The following MRE11 variants were observed in gnomAD, a reference collection of about 807,000 sequenced individuals.
MRE11 encodes MRE11 double strand break repair nuclease, also known as double-strand break repair protein MRE11.
MRE11 carries 62 observed loss-of-function variants against 91.7 expected under a neutral mutation model. The ratio of observed to expected loss-of-function variants is 0.68; its 90% CI spans 0.55 to 0.84. The LOEUF (loss-of-function observed/expected upper bound fraction) is 0.84, where lower values mean the gene tolerates loss of function less well. Ranked by LOEUF, MRE11 falls within the 40% of genes least tolerant of loss-of-function variation. MRE11 has a pLI of 0.00. For synonymous variants in MRE11, 273 were observed against 271.4 expected (o/e 1.01, Z -0.06); for missense variants, 796 against 852.9 (o/e 0.93, Z 0.83).
intron 13 of MRE11, among the ~76,000 whole-genome samples, chr11:94,459,199 A>C (rs1946348140): frequency 6.6e-6 from 1 of 152,200 alleles, no homozygotes; most frequent in African/African-American, 2.4e-5. Context: ...GGGGAACAAA[A>C]CACTTTAGTA....
chr11:94,449,987 G>GT (rs1946055787), intron 14 of MRE11, among the ~76,000 whole-genome samples: 1 of 152,080 alleles, frequency 6.6e-6, no homozygotes, highest in Non-Finnish European at 1.5e-5. Context: ...TTTTGCTTTG[G>GT]TAATGTGGTG....
Position 94,471,647 on chromosome 11 carries a change from GT to G in MRE11, c.771del (p.Glu257AspfsTer24). On this transcript the variant is annotated frameshift_variant, in exon 8 of 20. Coordinates refer to ENST00000323929, the MANE Select transcript of MRE11 (RefSeq NM_005591.4). LOFTEE classifies it high-confidence loss of function. ...HECKIAPTKN[E>X]QQLFYISQPG... is the part of the protein sequence containing the mutation. The stretch of plus-strand genomic sequence containing the variant: ...GGTTGTGAGATATAAAACAGCTGTT[GT>G]TCATTTTTGGTTGGAGCTATTTTAC... 6.2e-7 allele frequency: 1 copy of G among 1,612,868 alleles called. No homozygotes were observed. Among genetic ancestry groups the G allele is most frequent in the Middle Eastern group, 1.7e-4 (1 of 6,048 alleles).
chr11:94,484,529 G>A (rs1309712500), intron 4 of MRE11, among the ~76,000 whole-genome samples: 1 of 152,162 alleles, frequency 6.6e-6, no homozygotes, highest in Admixed American at 6.5e-5. Flanking sequence ...TTGAGAGTAA[G>A]CTGGACTCAG....
intron 16 of MRE11, among the ~76,000 whole-genome samples, chr11:94,444,859 G>A (rs1280656774): frequency 6.6e-6 from 1 of 151,326 alleles, no homozygotes; most frequent in Non-Finnish European, 1.5e-5. Context: ...TTATAAAAGT[G>A]AAACAATAAC....
intron 4 of MRE11, among the ~76,000 whole-genome samples, chr11:94,481,475 C>T (rs1174156679): frequency 2.0e-5 from 3 of 152,154 alleles, no homozygotes; most frequent in African/African-American, 7.2e-5. Flanking sequence ...CCTGATTGAA[C>T]TGTGACTTCT....
At chr11:94,478,084 A>G (rs1946916738) in intron 6 of MRE11, among the ~76,000 whole-genome samples, 1 of 152,166 alleles carries the variant, frequency 6.6e-6, no homozygotes, top group Non-Finnish European at 1.5e-5. Context: ...CAGTTAAGGA[A>G]GGTATAATAG....
chr11:94,467,948 C>T, intron 9 of MRE11, 55 bp from the exon 10 acceptor site: 1 of 1,384,968 alleles, frequency 7.2e-7, no homozygotes. Context: ...TTTAACTTGG[C>T]TGAATAGCAG....
chr11:94,492,629 A>T, intron 2 of MRE11, 153 bp downstream of exon 2: 1 of 1,308,354 alleles, frequency 7.6e-7, no homozygotes. Context: ...AATATTTAAA[A>T]CATTCCAAAT....
chr11:94,477,013 C>T (rs1024348496), intron 6 of MRE11, among the ~76,000 whole-genome samples: 1 of 152,198 alleles, frequency 6.6e-6, no homozygotes, highest in African/African-American at 2.4e-5. Flanking sequence ...TGCCAGCACG[C>T]CTGGCCTGTT....
At chr11:94,510,150 A>G in the MRE11 span, among the ~76,000 whole-genome samples, 1 of 152,130 alleles carries the variant, frequency 6.6e-6, no homozygotes, top group Admixed American at 6.5e-5. Flanking sequence ...TTTTAATTTT[A>G]AATTCCATAT....
chr11:94,502,101 G>A, the MRE11 span, among the ~76,000 whole-genome samples: 1 of 152,136 alleles, frequency 6.6e-6, no homozygotes, highest in East Asian at 1.9e-4. Context: ...CAACTATGCT[G>A]TATGTGCTTC....
At chr11:94,452,077 G>A (rs949407692) in intron 14 of MRE11, among the ~76,000 whole-genome samples, 3 of 151,578 alleles carry the variant, frequency 2.0e-5, no homozygotes, top group African/African-American at 4.8e-5. Flanking sequence ...ATGGTAGCGC[G>A]CGCTAGCTAC....
chr11:94,463,931 A>C (rs1013741651), intron 11 of MRE11, among the ~76,000 whole-genome samples, 182 bp downstream of exon 11: 1 of 152,184 alleles, frequency 6.6e-6, no homozygotes, highest in Non-Finnish European at 1.5e-5. Flanking sequence ...AAGGTATAAT[A>C]ATAATAAAAA....
chr11:94,474,324 G>A lies in MRE11; in HGVS notation c.659+1965C>T, dbSNP rs558432021. On this transcript the variant is annotated intron_variant, in intron 7 of 19. Coordinates refer to ENST00000323929, the MANE Select transcript of MRE11 (RefSeq NM_005591.4). ...GTCATGACCTCAAAACAGATGGGAA[G>A]ACATTGAAAGGACACAGAGGCCAAC... 5.9e-3 allele frequency among the ~76,000 whole-genome samples: 901 copies of A among 152,148 alleles called. 4 individuals are homozygous for A. The highest frequency in any genetic ancestry group is 0.02 in the African/African-American group (814 of 41,508).
In MRE11 at chr11:94,445,846, C is replaced by A; in HGVS notation, c.1831G>T (p.Ala611Ser). 1 of 1,613,734 alleles carries A rather than the reference C, an allele frequency of 6.2e-7. No homozygotes were observed. Among genetic ancestry groups the A allele is most frequent in the Non-Finnish European group, 8.5e-7 (1 of 1,179,658 alleles). ...TSTRSRNSKT[A>S]VSASRNMSII... ...GACATATTTCTAGATGCTGACACAG[C>A]AGTCTTTGAGTTCCTGCTACGGGTA... Residue 611 changes from alanine (A) to serine (S), a missense_variant, in exon 16 of 20, where the codon GCT becomes TCT. Ala to Ser is a moderately conservative substitution (Grantham distance 99). Transcript: ENST00000323929.
rs754278318 is a variant in MRE11 at position 94,456,256 on chromosome 11, A to AT, written c.1563+19dup. ...AAGAAAGTGATATATAAACACAAGA[A>AT]TTTGCAGCAGAATAATTACCTCACG... is the stretch of plus-strand genomic sequence containing the variant. On this transcript the variant is annotated intron_variant, in intron 14 of 19. Transcript: ENST00000323929. The AT allele has an allele frequency of 6.2e-7, 1 of 1,610,428 alleles. No homozygotes were observed. The highest frequency in any genetic ancestry group is 2.2e-5 in the East Asian group (1 of 44,822).
At chr11:94,426,315 T>C (rs1052609519) in intron 19 of MRE11, among the ~76,000 whole-genome samples, 1 of 151,962 alleles carries the variant, frequency 6.6e-6, no homozygotes, top group African/African-American at 2.4e-5. Context: ...ATTAATTTCA[T>C]TAATGAAAAT....
chr11:94,447,186 G>C, intron 15 of MRE11, 33 bp downstream of exon 15: 2 of 1,591,612 alleles, frequency 1.3e-6, no homozygotes, highest in Non-Finnish European at 1.7e-6. Flanking sequence ...ACTGCCAAGT[G>C]TGAATGTGCA....
At chr11:94,472,184 C>A (rs1021307692) in intron 7 of MRE11, among the ~76,000 whole-genome samples, 1 of 151,942 alleles carries the variant, frequency 6.6e-6, no homozygotes, top group African/African-American at 2.4e-5. Flanking sequence ...TATCTTTTTA[C>A]TAATAAATAT....
Sources: allele counts gnomAD v4.1 joint callset (sites outside exome capture counted in the v4.1 genomes callset), GRCh38; gene constraint gnomAD v4.1.1; transcripts MANE v1.5; gene names NCBI Gene and HGNC (gene_info 2026-07-23, HGNC 2026-07-21).